ANKRD12: variants seen among roughly 807,000 people sequenced by gnomAD.
ANKRD12 encodes ankyrin repeat domain 12, also known as ankyrin repeat domain-containing protein 12.
Under a neutral mutation model 183.4 loss-of-function variants are expected in ANKRD12, and 85 were observed. The observed-to-expected ratio is 0.46, with a 90% CI of 0.39 to 0.56. The LOEUF (loss-of-function observed/expected upper bound fraction) is 0.56, where lower values mean the gene tolerates loss of function less well. Ranked by LOEUF, ANKRD12 falls within the 20% of genes least tolerant of loss-of-function variation. ANKRD12 has a pLI of 0.00. For missense variants in ANKRD12, 2,405 were observed against 2,357.1 expected (o/e 1.02, Z -0.42); for synonymous variants, 914 against 800.2 (o/e 1.14, Z -2.40).
chr18:9,156,052 C>T (rs1457327754), intron 1 of ANKRD12, among the ~76,000 whole-genome samples: 11 of 144,868 alleles, frequency 7.6e-5, no homozygotes, highest in East Asian at 4.1e-4. Flanking sequence ...GGAGAATCGC[C>T]GCTTGAACTG....
At chr18:9,174,120 C>A (rs1235858447) in intron 1 of ANKRD12, among the ~76,000 whole-genome samples, 1 of 152,208 alleles carries the variant, frequency 6.6e-6, no homozygotes, top group Non-Finnish European at 1.5e-5. Context: ...GTGAGGGACT[C>A]CTCCTCATCA....
At chr18:9,264,930 G>A (rs931089279) in intron 10 of ANKRD12, among the ~76,000 whole-genome samples, 2 of 152,176 alleles carry the variant, frequency 1.3e-5, no homozygotes, top group African/African-American at 4.8e-5. Flanking sequence ...GCAGAAGACG[G>A]GTGATTTCTG....
At chr18:9,249,280 C>A (rs1349855076) in intron 8 of ANKRD12, among the ~76,000 whole-genome samples, 1 of 152,160 alleles carries the variant, frequency 6.6e-6, no homozygotes, top group Non-Finnish European at 1.5e-5. Flanking sequence ...CCCCTCTCAT[C>A]CTTCACCGAA....
At chr18:9,247,779 G>T (rs1039806551) in intron 8 of ANKRD12, among the ~76,000 whole-genome samples, 3 of 148,532 alleles carry the variant, frequency 2.0e-5, no homozygotes, top group Admixed American at 6.7e-5. Flanking sequence ...TAGTTTTGGG[G>T]TTTTTTTGTT....
chr18:9,145,428 T>G (rs1598384537), intron 1 of ANKRD12, among the ~76,000 whole-genome samples: 2 of 152,204 alleles, frequency 1.3e-5, no homozygotes, highest in African/African-American at 4.8e-5. Context: ...ATGTGTCTTT[T>G]TAAGAATTCA....
rs758540298 is a variant in ANKRD12, at chr18:9,204,510, G to A, written c.270G>A (p.Gly90=). The A allele has an allele frequency of 3.7e-6, 6 of 1,602,850 alleles. No individual in the cohort carries two copies. Among genetic ancestry groups the A allele is most frequent in the Admixed American group, 3.4e-5 (2 of 59,114 alleles). ...CAGGACATACAAGTGAAAATTGGGG[G>A]GAGAGACTTATATCTTCTTACAGGA... The part of the protein sequence containing the change: ...SDPGHTSENW[G]ERLISSYRTY... Residue 90 remains glycine, a synonymous_variant, in exon 4 of 13, where the codon GGG becomes GGA. Transcript: ENST00000262126.
At chr18:9,239,442 T>G (rs981895870) in intron 8 of ANKRD12, 1 of 1,002,614 alleles carries the variant, frequency 1.0e-6, no homozygotes, top group Admixed American at 2.4e-5. Context: ...TCTTGATTGT[T>G]TCATGTGTTC....
intron 3 of ANKRD12, among the ~76,000 whole-genome samples, chr18:9,198,071 A>G (rs183613044): frequency 3.2e-4 from 49 of 152,314 alleles, no homozygotes; most frequent in African/African-American, 1.1e-3. Flanking sequence ...CCATTAAGTG[A>G]TATTTCCCAT....
chr18:9,165,155 C>T (rs1475107876), intron 1 of ANKRD12, among the ~76,000 whole-genome samples: 3 of 151,938 alleles, frequency 2.0e-5, no homozygotes, highest in African/African-American at 4.8e-5. Flanking sequence ...TACGTGATGT[C>T]GTTTGTCTTT....
intron 8 of ANKRD12, among the ~76,000 whole-genome samples, chr18:9,226,018 A>G (rs965074010): frequency 1.3e-5 from 2 of 152,094 alleles, no homozygotes; most frequent in African/African-American, 4.8e-5. Flanking sequence ...TAGAGTTTAA[A>G]TTTTTTTGCA....
intron 2 of ANKRD12, among the ~76,000 whole-genome samples, chr18:9,189,159 T>C (rs1232887606): frequency 6.6e-6 from 1 of 152,198 alleles, no homozygotes; most frequent in Non-Finnish European, 1.5e-5. Context: ...ATTGCTGATA[T>C]GGAGGAAGTT....
At chr18:9,243,160 A>G (rs2037757775) in intron 8 of ANKRD12, among the ~76,000 whole-genome samples, 1 of 152,244 alleles carries the variant, frequency 6.6e-6, no homozygotes, top group Non-Finnish European at 1.5e-5. Context: ...TAACAGTTAC[A>G]TGTACATAAT....
intron 2 of ANKRD12, among the ~76,000 whole-genome samples, chr18:9,189,685 T>C (rs1166826795): frequency 1.3e-5 from 2 of 152,202 alleles, no homozygotes; most frequent in Non-Finnish European, 2.9e-5. Context: ...TGCCTGTACC[T>C]TATCAATGGA....
chr18:9,215,450 G>C (rs2144680076), intron 6 of ANKRD12, among the ~76,000 whole-genome samples: 1 of 152,176 alleles, frequency 6.6e-6, no homozygotes, highest in African/African-American at 2.4e-5. Flanking sequence ...CAGGAAGGAG[G>C]CTGTCTTTTA....
Position 9,172,522 on chromosome 18 carries a change from A to G in ANKRD12, c.-51-9860A>G, listed in dbSNP as rs569790241. Among the ~76,000 whole-genome samples the G allele has an allele frequency of 3.4e-4, 52 of 152,210 alleles. 1 individual carries two copies. The highest frequency in any genetic ancestry group is 6.8e-3 in the Middle Eastern group (2 of 294). On this transcript the variant is annotated intron_variant, in intron 1 of 12. Coordinates refer to ENST00000262126, the MANE Select transcript of ANKRD12 (RefSeq NM_015208.5). ...CTGCTTGGTCTATTCTGCTATTGAT[A>G]CTTGTGGTTGCATTGTGAATTTCTC...
At chr18:9,275,939 C>G (rs2039813341) in intron 11 of ANKRD12, among the ~76,000 whole-genome samples, 1 of 152,206 alleles carries the variant, frequency 6.6e-6, no homozygotes, top group African/African-American at 2.4e-5. Flanking sequence ...TAATTTGTTT[C>G]TAAAGTGAAT....
At chr18:9,254,181 C>T in intron 8 of ANKRD12, 30 bp from the exon 9 acceptor site, 1 of 1,454,760 alleles carries the variant, frequency 6.9e-7, no homozygotes. Context: ...TTTGTTTGAC[C>T]CACACCACAT....
intron 11 of ANKRD12, among the ~76,000 whole-genome samples, chr18:9,278,572 G>A (rs1467285835): frequency 6.6e-6 from 1 of 152,230 alleles, no homozygotes. Flanking sequence ...GCAGAGGTGG[G>A]CAGATCACGA....
intron 10 of ANKRD12, among the ~76,000 whole-genome samples, chr18:9,274,659 A>G (rs1413743555): frequency 6.6e-6 from 1 of 152,184 alleles, no homozygotes; most frequent in African/African-American, 2.4e-5. Flanking sequence ...AAAAGCCACT[A>G]TTTTATACCA....
Sources: allele counts gnomAD v4.1 joint callset (sites outside exome capture counted in the v4.1 genomes callset), GRCh38; gene constraint gnomAD v4.1.1; transcripts MANE v1.5; gene names NCBI Gene and HGNC (gene_info 2026-07-23, HGNC 2026-07-21).